FGF14: variants seen among roughly 807,000 people sequenced by gnomAD.
FGF14 encodes fibroblast growth factor 14.
In FGF14, 5 loss-of-function variants were observed where a neutral mutation model predicts 25.5. That is an observed-to-expected ratio of 0.20 (90% confidence interval 0.10 to 0.41). The LOEUF is 0.41. FGF14 is among the 10% of genes least tolerant of loss of function. The pLI is 1.00. For missense variants in FGF14, 222 were observed against 320.1 expected, an observed-to-expected ratio of 0.69 and a Z score of 2.34; for synonymous variants, 138 against 118.3, an observed-to-expected ratio of 1.17 and a Z score of -1.08.
At chr13:102,071,775 T>C (rs1566648755) in intron 1 of FGF14, among the ~76,000 whole-genome samples, 1 of 152,174 alleles carries the variant, frequency 6.6e-6, no homozygotes, top group Non-Finnish European at 1.5e-5. Context: ...GGCAGTTGTT[T>C]CTGTTTTTCA....
At chr13:101,761,738 T>C (rs903582181) in intron 3 of FGF14, among the ~76,000 whole-genome samples, 5 of 152,192 alleles carry the variant, frequency 3.3e-5, no homozygotes, top group African/African-American at 1.2e-4. Flanking sequence ...ACTCCATGAA[T>C]ATATACAATT....
intron 1 of FGF14, among the ~76,000 whole-genome samples, chr13:101,938,444 G>A (rs1242626357): frequency 6.6e-6 from 1 of 152,066 alleles, no homozygotes; most frequent in Non-Finnish European, 1.5e-5. Flanking sequence ...CTTTTATCTT[G>A]AGTTAATATT....
intron 1 of FGF14, among the ~76,000 whole-genome samples, chr13:102,198,046 C>T (rs1594370735): frequency 6.6e-6 from 1 of 152,320 alleles, no homozygotes; most frequent in East Asian, 1.9e-4. Context: ...CCGACTCTTT[C>T]CTCCTCTCCC....
At chr13:102,229,734 A>G (rs1251931426) in intron 1 of FGF14, among the ~76,000 whole-genome samples, 3 of 152,210 alleles carry the variant, frequency 2.0e-5, no homozygotes, top group African/African-American at 4.8e-5. Context: ...TGCATTTCCA[A>G]CAGCTAAGTG....
rs940399092 is a variant in FGF14 at position 101,716,446 on chromosome 13, A to G, written c.*6385T>C. On this transcript the variant is annotated 3_prime_UTR_variant, in exon 5 of 5. Transcript: ENST00000376143. ...ATAAATAGTGACAGAAGTTGTTTAT[A>G]CTCTGTGTCAGTATATATATCTACT... The G allele has an allele frequency of 6.6e-6, 1 of 152,046 alleles. No homozygotes were observed. The highest frequency in any genetic ancestry group is 1.5e-5 in the Non-Finnish European group (1 of 67,996). The allele number at this position is 152,046 out of a possible 1,614,324, so 9.4% of individuals were successfully genotyped here. A position where few individuals can be genotyped will look rare whatever the true frequency, so the allele number is the denominator to read the frequency against.
At chr13:102,098,821 C>T (rs997726497) in intron 1 of FGF14, among the ~76,000 whole-genome samples, 2 of 152,102 alleles carry the variant, frequency 1.3e-5, no homozygotes, top group African/African-American at 4.8e-5. Flanking sequence ...GGCCTGTTGC[C>T]TAAAATGATT....
At chr13:101,806,637 T>G (rs2041221848) in intron 3 of FGF14, among the ~76,000 whole-genome samples, 2 of 152,218 alleles carry the variant, frequency 1.3e-5, no homozygotes, top group Non-Finnish European at 1.5e-5. Flanking sequence ...TCTAGTTTAA[T>G]AGAATCATTT....
chr13:101,854,732 C>A (rs982355253), intron 3 of FGF14, among the ~76,000 whole-genome samples: 1 of 152,000 alleles, frequency 6.6e-6, no homozygotes, highest in African/African-American at 2.4e-5. Flanking sequence ...TTGAGCTGGG[C>A]ATTTTCTCCT....
At chr13:102,277,548 G>A (rs140579572) in intron 1 of FGF14, among the ~76,000 whole-genome samples, 24 of 152,308 alleles carry the variant, frequency 1.6e-4, no homozygotes, top group African/African-American at 5.8e-4. Flanking sequence ...GGACCTGGAG[G>A]AGCTCCAGGC....
intron 2 of FGF14, among the ~76,000 whole-genome samples, chr13:101,873,394 T>C (rs917164169): frequency 6.6e-6 from 1 of 152,130 alleles, no homozygotes; most frequent in African/African-American, 2.4e-5. Flanking sequence ...CTATGGTGTA[T>C]GTCCTGTCTT....
At chr13:102,056,495 A>G (rs956502443) in intron 1 of FGF14, among the ~76,000 whole-genome samples, 15 of 152,192 alleles carry the variant, frequency 9.9e-5, no homozygotes, top group Admixed American at 3.3e-4. Context: ...ATATGGATGC[A>G]GTAGATACTT....
At chr13:102,024,198 G>T (rs1258715492) in intron 1 of FGF14, among the ~76,000 whole-genome samples, 1 of 152,040 alleles carries the variant, frequency 6.6e-6, no homozygotes, top group Non-Finnish European at 1.5e-5. Context: ...TTAAAGAACT[G>T]TATGTGTTTT....
chr13:101,945,981 G>A (rs189617215), intron 1 of FGF14, among the ~76,000 whole-genome samples: 18 of 152,168 alleles, frequency 1.2e-4, no homozygotes, highest in African/African-American at 3.1e-4. Context: ...CTGAATCATC[G>A]TGAAGCCTTA....
At chr13:101,937,629 T>C (rs1280549880) in intron 1 of FGF14, among the ~76,000 whole-genome samples, 2 of 152,210 alleles carry the variant, frequency 1.3e-5, no homozygotes, top group Non-Finnish European at 2.9e-5. Context: ...GGAGTCTTGC[T>C]CTGTCTCCAG....
chr13:101,861,918 A>C (rs567285882), intron 3 of FGF14, among the ~76,000 whole-genome samples: 1 of 152,232 alleles, frequency 6.6e-6, no homozygotes, highest in East Asian at 1.9e-4. Context: ...ATCCTCTGGA[A>C]GTTAACTATG....
chr13:101,768,834 A>G (rs2038574281), intron 3 of FGF14, among the ~76,000 whole-genome samples: 1 of 152,186 alleles, frequency 6.6e-6, no homozygotes, highest in South Asian at 2.1e-4. Context: ...GATCACGTAA[A>G]TAAATGTAAA....
In FGF14 at chr13:102,116,997, C is replaced by T. The variant is rs566100474; in HGVS notation, c.209-241701G>A. 1.9e-3 allele frequency among the ~76,000 whole-genome samples: 293 copies of T among 152,292 alleles called. 1 individual carries two copies. The highest frequency in any genetic ancestry group is 6.6e-3 in the African/African-American group (274 of 41,556). On this transcript the variant is annotated intron_variant, in intron 1 of 4. Coordinates refer to the FGF14 transcript ENST00000376131. ...ACCCCTCACTCCACCTGCAGACAGG[C>T]TCCCACTCCCCTGTCCTTGGGAACC...
chr13:101,892,409 T>A (rs560838494), intron 1 of FGF14, among the ~76,000 whole-genome samples: 4 of 152,174 alleles, frequency 2.6e-5, no homozygotes, highest in Non-Finnish European at 5.9e-5. Context: ...TAGTAAAAGC[T>A]AATTAAGATC....
intron 3 of FGF14, among the ~76,000 whole-genome samples, chr13:101,809,802 G>A: frequency 6.6e-6 from 1 of 152,242 alleles, no homozygotes; most frequent in African/African-American, 2.4e-5. Flanking sequence ...CCAGCAAACA[G>A]AGCCAGCTAT....
Sources: allele counts gnomAD v4.1 joint callset (sites outside exome capture counted in the v4.1 genomes callset), GRCh38; gene constraint gnomAD v4.1.1; transcripts MANE v1.5; gene names NCBI Gene and HGNC (gene_info 2026-07-23, HGNC 2026-07-21).